The following EXOC6B variants were observed in gnomAD, a reference collection of about 807,000 sequenced individuals.
EXOC6B encodes the protein exocyst complex component 6B.
A neutral mutation model predicts 113.5 loss-of-function variants in EXOC6B; 54 were observed. The observed-to-expected ratio is 0.48, with a 90% CI of 0.38 to 0.60. EXOC6B has a LOEUF of 0.60. EXOC6B is among the 20% of genes least tolerant of loss of function. The probability of loss-of-function intolerance (pLI) is 0.00; values close to 1 mark genes in which losing one functional copy is unlikely to be tolerated. For synonymous variants in EXOC6B, 357 were observed against 339.0 expected (o/e 1.05, Z -0.58); for missense variants, 797 against 977.5 (o/e 0.82, Z 2.46).
At chr2:72,748,736 T>C (rs546004102) in intron 1 of EXOC6B, among the ~76,000 whole-genome samples, 1 of 151,944 alleles carries the variant, frequency 6.6e-6, no homozygotes, top group African/African-American at 2.4e-5. Context: ...GGAACCCCAA[T>C]GATGGCTATT....
chr2:72,370,874 A>AG (rs35365590), intron 19 of EXOC6B, among the ~76,000 whole-genome samples: 19,246 of 142,288 alleles, frequency 0.14, 1,605 homozygotes, highest in African/African-American at 0.23. Context: ...GGGTGATGGG[A>AG]GGGGGGAGGG....
chr2:72,614,770 T>C (rs1225071211), intron 6 of EXOC6B, among the ~76,000 whole-genome samples: 1 of 152,114 alleles, frequency 6.6e-6, no homozygotes, highest in Non-Finnish European at 1.5e-5. Context: ...AGGAGAAAGC[T>C]CATACCCAAA....
chr2:72,413,959 A>G (rs967697094), intron 18 of EXOC6B, among the ~76,000 whole-genome samples: 1 of 152,216 alleles, frequency 6.6e-6, no homozygotes, highest in East Asian at 1.9e-4. Context: ...CTTGCAGTCA[A>G]TTCAAATTCC....
chr2:72,284,608 A>G (rs186602192), intron 20 of EXOC6B, among the ~76,000 whole-genome samples: 1 of 152,166 alleles, frequency 6.6e-6, no homozygotes. Flanking sequence ...TCAACATATT[A>G]TTGGAAGTCC....
intron 20 of EXOC6B, among the ~76,000 whole-genome samples, chr2:72,307,319 T>C (rs1220661210): frequency 6.6e-6 from 1 of 152,138 alleles, no homozygotes; most frequent in African/African-American, 2.4e-5. Flanking sequence ...TTTTTTTCTT[T>C]TGTATTTTAA....
At chr2:72,542,790 T>C (rs567017593) in intron 8 of EXOC6B, among the ~76,000 whole-genome samples, 13 of 152,302 alleles carry the variant, frequency 8.5e-5, no homozygotes, top group African/African-American at 2.9e-4. Flanking sequence ...TTCAAAACTA[T>C]TGGGACAAAT....
At chr2:72,537,330 G>A (rs187498751) in intron 8 of EXOC6B, among the ~76,000 whole-genome samples, 18 of 152,070 alleles carry the variant, frequency 1.2e-4, no homozygotes, top group African/African-American at 3.4e-4. Context: ...CAGGCCAGGC[G>A]GGCTGGCTCA....
At chr2:72,385,213 T>C (rs1366867430) in intron 18 of EXOC6B, among the ~76,000 whole-genome samples, 3 of 152,104 alleles carry the variant, frequency 2.0e-5, no homozygotes, top group Non-Finnish European at 4.4e-5. Flanking sequence ...CCCACACATT[T>C]ATGGTCAACA....
At chr2:72,582,545 T>TG (rs1705291056) in intron 6 of EXOC6B, among the ~76,000 whole-genome samples, 1 of 151,290 alleles carries the variant, frequency 6.6e-6, no homozygotes, top group Admixed American at 6.6e-5. Context: ...CAGAATTTTT[T>TG]TTTTTTGAGA....
chr2:72,592,579 A>G (rs1376522113), intron 6 of EXOC6B, among the ~76,000 whole-genome samples: 1 of 152,198 alleles, frequency 6.6e-6, no homozygotes, highest in Non-Finnish European at 1.5e-5. Flanking sequence ...CTCTCCAAAA[A>G]AAGATACCAT....
At chr2:72,305,407 A>G (rs1023428295) in intron 20 of EXOC6B, among the ~76,000 whole-genome samples, 2 of 151,064 alleles carry the variant, frequency 1.3e-5, no homozygotes, top group Admixed American at 1.3e-4. Context: ...GTCCTCACCA[A>G]ATCATATTCT....
rs1465515982 is a variant in EXOC6B at position 72,179,062 on chromosome 2, TG to T, written c.*272del. 2 of 370,384 alleles carry T rather than the reference TG, an allele frequency of 5.4e-6. No homozygotes were observed. The highest frequency in any genetic ancestry group is 5.1e-5 in the East Asian group (1 of 19,700). The allele number at this position is 370,384 out of a possible 1,614,324, so 22.9% of individuals were successfully genotyped here. On this transcript the variant is annotated 3_prime_UTR_variant, in exon 22 of 22. Coordinates refer to ENST00000272427, the MANE Select transcript of EXOC6B (RefSeq NM_015189.3). ...CCATGGATGAAAGGTGGTTCATCAC[TG>T]TGGAATTGATGATACCACCATCTCT...
At chr2:72,577,369 T>G (rs1704939143) in intron 6 of EXOC6B, among the ~76,000 whole-genome samples, 1 of 152,034 alleles carries the variant, frequency 6.6e-6, no homozygotes, top group African/African-American at 2.4e-5. Context: ...GATCAAGGAC[T>G]CCGGGGCACA....
chr2:72,256,115 T>C lies in EXOC6B; in HGVS notation c.2197-71928A>G, dbSNP rs370103223. ...GAAGACATGAGGAAAAGAGGTCATATAAAGACCGAGGGAGAGATTGGAGTA... is the reference window on the plus strand; with the variant it reads ...GAAGACATGAGGAAAAGAGGTCATACAAAGACCGAGGGAGAGATTGGAGTA... On this transcript the variant is annotated intron_variant, in intron 20 of 21. Coordinates refer to ENST00000272427, the MANE Select transcript of EXOC6B (RefSeq NM_015189.3). Among the ~76,000 whole-genome samples, 7 of 152,192 alleles carry C rather than the reference T, an allele frequency of 4.6e-5. 1 individual carries two copies. The highest frequency in any genetic ancestry group is 1.7e-4 in the African/African-American group (7 of 41,530).
At chr2:72,286,237 G>A (rs866319666) in intron 20 of EXOC6B, among the ~76,000 whole-genome samples, 13 of 152,142 alleles carry the variant, frequency 8.5e-5, no homozygotes, top group Middle Eastern at 3.2e-3. Context: ...AAACTTGGAA[G>A]CAATCAAGGT....
At chr2:72,401,638 CATATAT>C (rs1343954890) in intron 18 of EXOC6B, among the ~76,000 whole-genome samples, 6 of 15,480 alleles carry the variant, frequency 3.9e-4, no homozygotes, top group South Asian at 1.2e-3. Context: ...TATATATATA[CATATAT>C]ACATATATAT....
At chr2:72,185,656 C>T (rs972213670) in intron 20 of EXOC6B, among the ~76,000 whole-genome samples, 14 of 152,200 alleles carry the variant, frequency 9.2e-5, no homozygotes, top group African/African-American at 3.1e-4. Context: ...TCTACCACTT[C>T]CTTCTGTTGA....
At position 72,247,214 on chromosome 2, in the gene EXOC6B, A is replaced by G. The variant is rs542526773; in HGVS notation, c.2197-63027T>C. Among the ~76,000 whole-genome samples the G allele has an allele frequency of 4.2e-4, 64 of 152,312 alleles. 1 individual carries two copies. The highest frequency in any genetic ancestry group is 1.5e-3 in the African/African-American group (62 of 41,572). ...GAACAGAGATGCTGTTCTGTGGATT[A>G]TTTGATCTATTTTATTCCCATCGCA... On this transcript the variant is annotated intron_variant, in intron 20 of 21. Transcript: ENST00000272427.
intron 13 of EXOC6B, 74 bp downstream of exon 13, chr2:72,498,380 C>T: frequency 1.0e-6 from 1 of 1,004,606 alleles, no homozygotes; most frequent in Non-Finnish European, 1.5e-6. Flanking sequence ...ATCTGAAAAC[C>T]TTTGCGCATA....
Sources: allele counts gnomAD v4.1 joint callset (sites outside exome capture counted in the v4.1 genomes callset), GRCh38; gene constraint gnomAD v4.1.1; transcripts MANE v1.5; gene names NCBI Gene and HGNC (gene_info 2026-07-23, HGNC 2026-07-21).